Variants in AIMP2 observed in about 807,000 individuals in gnomAD.
The protein encoded by AIMP2 is aminoacyl tRNA synthetase complex interacting multifunctional protein 2.
Under a neutral mutation model 23.4 loss-of-function variants are expected in AIMP2, and 20 were observed. The ratio of observed to expected loss-of-function variants is 0.85; its 90% CI spans 0.60 to 1.24. The LOEUF (loss-of-function observed/expected upper bound fraction) is 1.24, where lower values mean the gene tolerates loss of function less well. Among genes scored for constraint, AIMP2 ranks in the 50% most tolerant of loss-of-function variants. AIMP2 has a pLI of 0.00. For synonymous variants in AIMP2, 210 were observed against 170.4 expected, an observed-to-expected ratio of 1.23 and a Z score of -1.81; for missense variants, 515 against 414.5, an observed-to-expected ratio of 1.24 and a Z score of -2.10.
intron 1 of AIMP2, among the ~76,000 whole-genome samples, chr7:6,010,772 G>C (rs1786620512): frequency 6.6e-6 from 1 of 151,018 alleles, no homozygotes; most frequent in Non-Finnish European, 1.5e-5. Context: ...CTTCATATAG[G>C]TAAGCATACA....
At chr7:6,017,361 A>T (rs573023666) in intron 2 of AIMP2, among the ~76,000 whole-genome samples, 5 of 144,760 alleles carry the variant, frequency 3.5e-5, no homozygotes, top group South Asian at 4.4e-4. Context: ...ACTAAAAATT[A>T]AAAAAAAAAA....
chr7:6,010,448 G>GTTTTTT (rs57431372), intron 1 of AIMP2, among the ~76,000 whole-genome samples: 2 of 148,514 alleles, frequency 1.3e-5, no homozygotes, highest in Non-Finnish European at 1.5e-5. Flanking sequence ...CTGGTTTTTT[G>GTTTTTT]TTTTTTTTTT....
chr7:6,023,057 C>CA, intron 3 of AIMP2: 7 of 468,486 alleles, frequency 1.5e-5, no homozygotes, highest in South Asian at 3.3e-5. Context: ...TCCCTTCTAG[C>CA]TTCAGAAGTG....
intron 1 of AIMP2, chr7:6,012,745 A>G (rs1786769136): frequency 6.5e-6 from 5 of 771,670 alleles, no homozygotes; most frequent in African/African-American, 3.7e-5. Flanking sequence ...TTTCAGTAGA[A>G]ATGGAGTTTC....
Position 6,023,763 on chromosome 7 carries a change from G to A in AIMP2, c.*72G>A, listed in dbSNP as rs776632578. ...CTTTCATGCCTATTATCAGTAAGGG[G>A]ACTTGTATTAGAGTCAGAGTCTTTT... On this transcript the variant is annotated 3_prime_UTR_variant, in exon 4 of 4. Transcript: ENST00000223029. 3.1e-6 allele frequency: 5 copies of A among 1,609,912 alleles called. No individual in the cohort carries two copies. The African/African-American group carries it at 5.3e-5, about 17-fold the overall frequency.
intron 3 of AIMP2, among the ~76,000 whole-genome samples, chr7:6,020,467 ACT>A (rs1464642332): frequency 2.0e-5 from 3 of 152,328 alleles, no homozygotes; most frequent in Non-Finnish European, 4.4e-5. Context: ...GTGCAGGATT[ACT>A]GTTAGGCATA....
intron 2 of AIMP2, 149 bp from the exon 3 acceptor site, chr7:6,017,665 C>G (rs776459558): frequency 4.5e-6 from 3 of 667,502 alleles, no homozygotes; most frequent in Non-Finnish European, 7.6e-6. Context: ...GGATAAGTTA[C>G]TGGCTGCAAC....
chr7:6,009,974 A>AAATATACATATATATATAT lies in AIMP2; in HGVS notation c.135+477_135+478insATATACATATATATATATA. ...CAAAAAAAAAAAAAAAAAAAAAAAA[A>AAATATACATATATATATAT]ATATATATATATATATATGTATGTA... On this transcript the variant is annotated intron_variant, in intron 1 of 3. Coordinates refer to ENST00000223029, the MANE Select transcript of AIMP2 (RefSeq NM_006303.4). Among the ~76,000 whole-genome samples the AAATATACATATATATATAT allele has an allele frequency of 1.5e-4, 4 of 26,674 alleles. 1 individual carries two copies. Among genetic ancestry groups the AAATATACATATATATATAT allele is most frequent in the Non-Finnish European group, 2.7e-4 (4 of 14,638 alleles). The allele number at this position is 26,674 out of a possible 152,430, so 17.5% of individuals were successfully genotyped here.
intron 1 of AIMP2, among the ~76,000 whole-genome samples, chr7:6,013,817 G>A (rs1453323322): frequency 2.0e-5 from 3 of 152,058 alleles, no homozygotes; most frequent in African/African-American, 7.2e-5. Context: ...CAGGCTTGGT[G>A]GCACACACTT....
chr7:6,015,831 G>A (rs559770834), intron 2 of AIMP2, among the ~76,000 whole-genome samples: 1 of 152,314 alleles, frequency 6.6e-6, no homozygotes, highest in African/African-American at 2.4e-5. Context: ...CAGAGTCCCA[G>A]GGCAGGAGTG....
rs758885310 is a variant in AIMP2 at position 6,023,585 on chromosome 7, A to T, written c.857A>T (p.Gln286Leu). Residue 286 changes from glutamine (Q) to leucine (L), a missense_variant, in exon 4 of 4, where the codon CAG (glutamine) becomes CTG (leucine). Transcript: ENST00000223029. ...GACGTGGTGCTGTGGTCTGTACTCCAGCAGATCGGAGGCTGCAGTGTGACA... is the reference window on the plus strand; with the variant it reads ...GACGTGGTGCTGTGGTCTGTACTCCTGCAGATCGGAGGCTGCAGTGTGACA... ...VADVVLWSVL[Q>L]QIGGCSVTVP... is the part of the protein sequence containing the mutation. 9.3e-6 allele frequency: 15 copies of T among 1,614,234 alleles called. No homozygotes were observed. The East Asian group carries it at 3.3e-4, about 36-fold the overall frequency.
At chr7:6,018,591 T>G (rs926554137) in intron 3 of AIMP2, among the ~76,000 whole-genome samples, 7 of 151,950 alleles carry the variant, frequency 4.6e-5, no homozygotes, top group Non-Finnish European at 8.8e-5. Context: ...ATCCCAGCAC[T>G]TTGTGAGGCC....
rs1787653339 is a variant in AIMP2, at chr7:6,023,807, A to G, written c.*116A>G. 1 of 1,579,094 alleles carries G rather than the reference A, an allele frequency of 6.3e-7. No individual in the cohort carries two copies. Among genetic ancestry groups the G allele is most frequent in the Non-Finnish European group, 8.6e-7 (1 of 1,160,922 alleles). ...GTCTTTTTATTTAGGCCAGTTGTCAAGTGTCAATAAAAGCATCATGTAATT... is the reference window on the plus strand; with the variant it reads ...GTCTTTTTATTTAGGCCAGTTGTCAGGTGTCAATAAAAGCATCATGTAATT... On this transcript the variant is annotated 3_prime_UTR_variant, in exon 4 of 4. Transcript: ENST00000223029.
At chr7:6,011,411 A>T (rs2128875992) in intron 1 of AIMP2, among the ~76,000 whole-genome samples, 1 of 152,176 alleles carries the variant, frequency 6.6e-6, no homozygotes, top group South Asian at 2.1e-4. Flanking sequence ...TTTCATATTC[A>T]CTGGCCGCTG....
intron 3 of AIMP2, among the ~76,000 whole-genome samples, chr7:6,020,254 C>G: frequency 6.6e-6 from 1 of 151,990 alleles, no homozygotes; most frequent in East Asian, 1.9e-4. Context: ...AACCCCATCT[C>G]TATTAAAGGC....
chr7:6,012,672 G>T, intron 1 of AIMP2: 1 of 383,268 alleles, frequency 2.6e-6, no homozygotes, highest in Non-Finnish European at 5.2e-6. Context: ...ATTTTCTCCT[G>T]CCTTAGCCTC....
In AIMP2 at chr7:6,018,150, T is replaced by TTC. The variant is rs1211843681; in HGVS notation, c.574+106_574+107insCT. On this transcript the variant is annotated intron_variant, in intron 3 of 3. Transcript: ENST00000223029. ...CATGTGGATTTTTTTCTTTTTCTTT[T>TTC]TTTTTTTTTTTTTTGAGACAGAGTC... The TTC allele has an allele frequency of 3.9e-5, 24 of 620,362 alleles. No homozygotes were observed. In the Middle Eastern group the frequency reaches 1.2e-3, roughly 30 times the overall value. The allele number at this position is 620,362 out of a possible 1,614,324, so 38.4% of individuals were successfully genotyped here.
intron 1 of AIMP2, chr7:6,013,098 G>C (rs1786794019): frequency 1.9e-6 from 1 of 528,828 alleles, no homozygotes; most frequent in Non-Finnish European, 2.4e-6. Context: ...GAACTCCTCG[G>C]ACAGTGTGGC....
chr7:6,016,669 A>T (rs1469358596), intron 2 of AIMP2, among the ~76,000 whole-genome samples: 1 of 152,124 alleles, frequency 6.6e-6, no homozygotes, highest in Admixed American at 6.5e-5. Context: ...ATGAATTTTG[A>T]TACCTCAGAA....
Sources: allele counts gnomAD v4.1 joint callset (sites outside exome capture counted in the v4.1 genomes callset), GRCh38; gene constraint gnomAD v4.1.1; transcripts MANE v1.5; gene names NCBI Gene and HGNC (gene_info 2026-07-23, HGNC 2026-07-21).